LRP2: variants seen among roughly 807,000 people sequenced by gnomAD.
LRP2 encodes low-density lipoprotein receptor-related protein 2.
Under a neutral mutation model 531.0 loss-of-function variants are expected in LRP2, and 172 were observed. That is an observed-to-expected ratio of 0.32 (90% CI 0.29 to 0.37). The LOEUF (loss-of-function observed/expected upper bound fraction) is 0.37, where lower values mean the gene tolerates loss of function less well. Among genes scored for constraint, LRP2 ranks in the 10% least tolerant of loss-of-function variants. LRP2 has a pLI of 1.00. For synonymous variants in LRP2, 1,992 were observed against 2,027.6 expected, an observed-to-expected ratio of 0.98 and a Z score of 0.47; for missense variants, 5,167 against 5,868.3, an observed-to-expected ratio of 0.88 and a Z score of 3.90.
intron 69 of LRP2, 62 bp downstream of exon 69, chr2:169,146,677 C>G: frequency 7.2e-7 from 1 of 1,390,184 alleles, no homozygotes; most frequent in African/African-American, 1.4e-5. Context: ...AGAAAACAGG[C>G]AAAGACATTA....
chr2:169,342,270 T>C (rs1275787903), intron 1 of LRP2, among the ~76,000 whole-genome samples: 1 of 151,420 alleles, frequency 6.6e-6, no homozygotes, highest in Non-Finnish European at 1.5e-5. Context: ...ATGTCTAATA[T>C]TCCCATAAAT....
intron 31 of LRP2, among the ~76,000 whole-genome samples, chr2:169,226,881 T>C (rs370248073): frequency 6.6e-6 from 1 of 152,078 alleles, no homozygotes. Flanking sequence ...AAACCACCCA[T>C]GTTTGCTAAA....
intron 31 of LRP2, among the ~76,000 whole-genome samples, chr2:169,230,245 T>C (rs1279862578): frequency 6.6e-6 from 1 of 152,216 alleles, no homozygotes; most frequent in Non-Finnish European, 1.5e-5. Flanking sequence ...AGTTTAATCT[T>C]CTCCTGAAAG....
chr2:169,310,455 T>C (rs1249358683), intron 3 of LRP2, among the ~76,000 whole-genome samples: 1 of 152,226 alleles, frequency 6.6e-6, no homozygotes, highest in Admixed American at 6.5e-5. Context: ...TCTATTGAGA[T>C]AATCATGTGG....
intron 34 of LRP2, among the ~76,000 whole-genome samples, chr2:169,219,587 G>A (rs193098035): frequency 7.9e-5 from 12 of 152,190 alleles, no homozygotes; most frequent in African/African-American, 2.9e-4. Context: ...TTGCTAGGAA[G>A]AGAAAACCAA....
At chr2:169,182,038 A>G in intron 51 of LRP2, 129 bp downstream of exon 51, 2 of 1,170,522 alleles carry the variant, frequency 1.7e-6, no homozygotes, top group Non-Finnish European at 2.5e-6. Context: ...ACAATTTACC[A>G]AGTAGGAAAA....
At position 169,239,635 on chromosome 2, in the gene LRP2, T is replaced by C. The variant is rs1211836554; in HGVS notation, c.4186A>G (p.Ile1396Val). The change falls in exon 26 of 79, where the codon ATT becomes GTT. Residue 1396 changes from isoleucine (I) to valine (V), a missense_variant. This residue lies in a region of LRP2 where 2,811 missense variants were observed against 3,058.0 expected (regional missense o/e 0.92). Transcript: ENST00000649046. ...CAGTGCTGGCTACAAGAGCCTAGAA[T>C]ATCACATTCATCTATGTCTTCACAG... The part of the protein sequence containing the change: ...KTCEDIDECD[I>V]LGSCSQHCYN... The C allele has an allele frequency of 1.2e-6, 2 of 1,613,992 alleles. No homozygotes were observed. The highest frequency in any genetic ancestry group is 1.3e-5 in the African/African-American group (1 of 74,912).
chr2:169,172,107 T>G lies in LRP2; in HGVS notation c.11171A>C (p.Asp3724Ala). The change falls in exon 58 of 79, where the codon GAT becomes GCT. Residue 3724 changes from aspartate to alanine, a missense_variant. Physicochemically the swap from Asp to Ala is moderately radical, Grantham distance 126. Transcript: ENST00000649046. ...CEERTCHPVGDFRCKNHHCIP... is the reference protein window; with the variant it reads ...CEERTCHPVGAFRCKNHHCIP... ...GCAGTGGTGATTTTTACAGCGGAAA[T>G]CCCCCACAGGATGGCATGTCCTCTC... 6.2e-7 allele frequency: 1 copy of G among 1,614,134 alleles called. No individual in the cohort carries two copies. The highest frequency in any genetic ancestry group is 1.1e-5 in the South Asian group (1 of 91,080).
At chr2:169,341,781 TC>T (rs140167220) in intron 1 of LRP2, among the ~76,000 whole-genome samples, 2,498 of 152,298 alleles carry the variant, frequency 0.016, 71 homozygotes, top group African/African-American at 0.057. Flanking sequence ...GGTATCTACC[TC>T]CCTGGAGTGT....
At chr2:169,337,941 T>C (rs1272863925) in intron 1 of LRP2, among the ~76,000 whole-genome samples, 4 of 151,886 alleles carry the variant, frequency 2.6e-5, no homozygotes, top group African/African-American at 9.7e-5. Flanking sequence ...AGCCAGTATC[T>C]ACAAAAACAA....
In LRP2 at chr2:169,209,634, G is replaced by A. The variant is rs748160339; in HGVS notation, c.6288C>T (p.Asn2096=). ...TMVPVAGQGR[N]ALHVDVDVSS... ...ACACATCCACATCCACATGCAGTGC[G>A]TTTCGTCCTGGAAGTTAAGAAAAGA... The change falls in exon 38 of 79, where the codon AAC becomes AAT. Residue 2096 remains asparagine, a synonymous_variant. Coordinates refer to ENST00000649046, the MANE Select transcript of LRP2 (RefSeq NM_004525.3). 78 of 1,613,728 alleles carry A rather than the reference G, an allele frequency of 4.8e-5. No homozygotes were observed. In the Middle Eastern group the frequency reaches 6.6e-4, roughly 14 times the overall value.
rs1437699824 is a variant in LRP2, at chr2:169,128,999, T to G, written c.13800+14A>C. On this transcript the variant is annotated intron_variant, in intron 78 of 78. Coordinates refer to ENST00000649046, the MANE Select transcript of LRP2 (RefSeq NM_004525.3). ...GAAAAAATGTCTGTGCTAAGAAAAA[T>G]TGTTAAAAATTACCTGTGCATAGAT... The G allele has an allele frequency of 3.1e-6, 5 of 1,598,326 alleles. No homozygotes were observed. Among genetic ancestry groups the G allele is most frequent in the African/African-American group, 1.3e-5 (1 of 74,574 alleles).
intron 9 of LRP2, among the ~76,000 whole-genome samples, chr2:169,283,332 T>C (rs957946009): frequency 6.6e-6 from 1 of 152,234 alleles, no homozygotes; most frequent in Non-Finnish European, 1.5e-5. Context: ...TTCCCTTCAA[T>C]ACTATGCTTT....
chr2:169,261,889 A>G (rs1354370271), intron 16 of LRP2, among the ~76,000 whole-genome samples: 9 of 151,808 alleles, frequency 5.9e-5, no homozygotes, highest in Admixed American at 5.9e-4. Flanking sequence ...CAAAAAGCTT[A>G]TCCACCATGA....
chr2:169,348,620 T>C (rs1055382169), intron 1 of LRP2, among the ~76,000 whole-genome samples: 2 of 152,204 alleles, frequency 1.3e-5, no homozygotes, highest in Non-Finnish European at 2.9e-5. Context: ...ACACGAAGTC[T>C]AAAAACTTTG....
chr2:169,156,176 A>C (rs1364589946), intron 65 of LRP2, 98 bp downstream of exon 65: 25 of 1,534,806 alleles, frequency 1.6e-5, no homozygotes, highest in Non-Finnish European at 1.9e-5. Flanking sequence ...GAAAGAAAAG[A>C]AAAACTATGA....
rs138894447 is a variant in LRP2, at chr2:169,192,010, C to G, written c.8854G>C (p.Glu2952Gln). 2 of 1,612,760 alleles carry G rather than the reference C, an allele frequency of 1.2e-6. No individual in the cohort carries two copies. Among genetic ancestry groups the G allele is most frequent in the African/African-American group, 1.3e-5 (1 of 74,988 alleles). ...GGTCTGTCATTTACACAGAGAAACT[C>G]GGAATCCGAGCAGTTTTGATTCTCT... ...QCQNQNCSDS[E>Q]FLCVNDRPPD... Residue 2952 changes from glutamate to glutamine, a missense_variant, in exon 48 of 79, where the codon GAG (glutamate) becomes CAG (glutamine). Around this residue, in one of 6 missense-constraint regions of LRP2, gnomAD observed 1,129 missense variants for 1,362.7 expected, o/e 0.83. Transcript: ENST00000649046.
At chr2:169,136,253 C>T (rs918719817) in intron 76 of LRP2, among the ~76,000 whole-genome samples, 31 of 151,544 alleles carry the variant, frequency 2.0e-4, no homozygotes, top group Admixed American at 6.6e-4. Context: ...GTTCCCACAC[C>T]GCCCCTAATC....
At chr2:169,301,764 C>T (rs1366030882) in intron 4 of LRP2, among the ~76,000 whole-genome samples, 1 of 152,078 alleles carries the variant, frequency 6.6e-6, no homozygotes, top group Admixed American at 6.6e-5. Context: ...ACACACCACT[C>T]TTTGTTCTGT....
Sources: gnomAD v4.1 joint callset for allele counts (sites outside exome capture counted in the v4.1 genomes callset) on GRCh38, gnomAD v4.1.1 for gene constraint, gnomAD v4.1.1 regional missense constraint, MANE v1.5 for transcripts, NCBI Gene and HGNC (gene_info 2026-07-23, HGNC 2026-07-21) for gene names.